Variants in IPO7 observed in about 807,000 individuals in gnomAD.
IPO7 encodes importin 7, also known as importin-7.
In IPO7, 13 loss-of-function variants were observed where a neutral mutation model predicts 136.4. The observed-to-expected ratio is 0.10, with a 90% CI of 0.06 to 0.15. IPO7 has a LOEUF of 0.15. Among genes scored for constraint, IPO7 ranks in the 10% least tolerant of loss-of-function variants. The probability of loss-of-function intolerance (pLI) is 1.00; values close to 1 mark genes in which losing one functional copy is unlikely to be tolerated. For synonymous variants in IPO7, 403 were observed against 404.4 expected, an observed-to-expected ratio of 1.00 and a Z score of 0.04; for missense variants, 857 against 1,240.6, an observed-to-expected ratio of 0.69 and a Z score of 4.65.
At chr11:9,388,284 TCTC>T (rs1854580602) in intron 1 of IPO7, among the ~76,000 whole-genome samples, 2 of 144,838 alleles carry the variant, frequency 1.4e-5, no homozygotes, top group African/African-American at 5.1e-5. Context: ...TTCAAGCAAT[TCTC>T]CTGCCTCAGC....
In IPO7 at chr11:9,438,045, GTT is replaced by G. The variant is rs202038310; in HGVS notation, c.2490-4_2490-3del. On this transcript the variant is annotated intron_variant, in intron 21 of 24. Coordinates refer to ENST00000379719, the MANE Select transcript of IPO7 (RefSeq NM_006391.3). Reference sequence around the variant, plus strand: ...TCTGCTTATTTAAGAAAAGAAAACAGTTTTTTTTTTTTTTTTTTTTTTTTTTT... The same window carrying G: ...TCTGCTTATTTAAGAAAAGAAAACAGTTTTTTTTTTTTTTTTTTTTTTTTT... 7,351 of 1,084,470 alleles carry G rather than the reference GTT, an allele frequency of 6.8e-3. 1 individual carries two copies. Among genetic ancestry groups the G allele is most frequent in the East Asian group, 0.019 (506 of 27,042 alleles). 67.2% of individuals were successfully genotyped at this position (1,084,470 alleles called of 1,614,324 possible). A position where few individuals can be genotyped will look rare whatever the true frequency, so the allele number is the denominator to read the frequency against.
intron 6 of IPO7, among the ~76,000 whole-genome samples, chr11:9,419,156 C>T (rs967669470): frequency 6.6e-6 from 1 of 152,128 alleles, no homozygotes; most frequent in Non-Finnish European, 1.5e-5. Flanking sequence ...TTTTACTTTA[C>T]AAGTAACTTC....
chr11:9,422,332 A>C (rs1394432240), intron 8 of IPO7, among the ~76,000 whole-genome samples: 1 of 152,212 alleles, frequency 6.6e-6, no homozygotes, highest in East Asian at 1.9e-4. Context: ...TCTTGATTCA[A>C]ATAAGGCATC....
At chr11:9,391,545 A>C (rs2133718242) in intron 1 of IPO7, among the ~76,000 whole-genome samples, 1 of 152,068 alleles carries the variant, frequency 6.6e-6, no homozygotes, top group Admixed American at 6.6e-5. Flanking sequence ...ATTTCTACTA[A>C]AAATACAGAA....
chr11:9,401,219 A>G (rs1854790981), intron 1 of IPO7, among the ~76,000 whole-genome samples: 1 of 152,144 alleles, frequency 6.6e-6, no homozygotes, highest in African/African-American at 2.4e-5. Flanking sequence ...AAAAATCAAA[A>G]TATTGTTCAT....
intron 23 of IPO7, among the ~76,000 whole-genome samples, chr11:9,440,961 A>G (rs1855452980): frequency 6.6e-6 from 1 of 152,204 alleles, no homozygotes; most frequent in Non-Finnish European, 1.5e-5. Flanking sequence ...CTTTCCTCAG[A>G]AGTAACCACT....
intron 3 of IPO7, 57 bp downstream of exon 3, chr11:9,408,696 GT>G: frequency 5.5e-6 from 1 of 181,234 alleles, no homozygotes; most frequent in East Asian, 1.3e-4. Context: ...AGGGTTTTTT[GT>G]TTTTTGGTTT....
At chr11:9,437,320 C>G (rs570648670) in intron 20 of IPO7, among the ~76,000 whole-genome samples, 13 of 127,570 alleles carry the variant, frequency 1.0e-4, no homozygotes, top group African/African-American at 3.3e-4. Flanking sequence ...TGCAGTGGCG[C>G]GATCTCAGCT....
Position 9,445,404 on chromosome 11 carries a change from G to T in IPO7, c.*210G>T. On this transcript the variant is annotated 3_prime_UTR_variant, in exon 25 of 25. Transcript: ENST00000379719. ...TTTTGGGGGTGGGGGGGGATGGGAGGTACCTTAGAGGGAGTATTTTCTTTA... is the reference window on the plus strand; with the variant it reads ...TTTTGGGGGTGGGGGGGGATGGGAGTTACCTTAGAGGGAGTATTTTCTTTA... The T allele has an allele frequency of 2.6e-6, 1 of 389,142 alleles. No individual in the cohort carries two copies. The highest frequency in any genetic ancestry group is 4.7e-6 in the Non-Finnish European group (1 of 215,048). 24.1% of individuals were successfully genotyped at this position (389,142 alleles called of 1,614,324 possible).
intron 24 of IPO7, among the ~76,000 whole-genome samples, chr11:9,444,552 G>A (rs893535692): frequency 1.3e-5 from 2 of 151,338 alleles, no homozygotes; most frequent in African/African-American, 4.8e-5. Context: ...TAGTAGAGAC[G>A]AGGTTTCACT....
chr11:9,410,031 A>C lies in IPO7; in HGVS notation c.424A>C (p.Ser142Arg). The change falls in exon 4 of 25, where the codon AGT (serine) becomes CGT (arginine). Residue 142 changes from serine (S) to arginine (R), a missense_variant. Ser to Arg is a moderately radical substitution (Grantham distance 110). Transcript: ENST00000379719. ...TGGCTTTTATCTTCAGTCCGATAAC[A>C]GTGCTTGTTGGCTAGGAATTCTTCT... The part of the protein sequence containing the change: ...KIGFYLQSDN[S>R]ACWLGILLCL... The C allele has an allele frequency of 6.2e-7, 1 of 1,604,360 alleles. No homozygotes were observed. Among genetic ancestry groups the C allele is most frequent in the Middle Eastern group, 1.7e-4 (1 of 6,040 alleles).
In IPO7 at chr11:9,445,122, A is replaced by G; in HGVS notation, c.3045A>G (p.Gly1015=). Residue 1015 remains glycine, a synonymous_variant, in exon 25 of 25, where the codon GGA becomes GGG. Transcript: ENST00000379719. ...AATCCAAAATGATTGAGAAGCATGGAGGATACAAATTCAGTGCTCCAGTTG... is the reference window on the plus strand; with the variant it reads ...AATCCAAAATGATTGAGAAGCATGGGGGATACAAATTCAGTGCTCCAGTTG... The part of the protein sequence containing the change: ...AHESKMIEKH[G]GYKFSAPVVP... The G allele has an allele frequency of 1.9e-6, 3 of 1,611,584 alleles. No homozygotes were observed. Among genetic ancestry groups the G allele is most frequent in the Non-Finnish European group, 2.5e-6 (3 of 1,177,704 alleles).
intron 1 of IPO7, among the ~76,000 whole-genome samples, chr11:9,385,314 TG>T (rs1456660722): frequency 6.6e-6 from 1 of 152,192 alleles, no homozygotes; most frequent in African/African-American, 2.4e-5. Flanking sequence ...CTGTCATCCT[TG>T]TCACTTTGCT....
At position 9,422,988 on chromosome 11, in the gene IPO7, C is replaced by T. The variant is rs745559785; in HGVS notation, c.907-18C>T. The T allele has an allele frequency of 8.6e-5, 128 of 1,487,738 alleles. No individual in the cohort carries two copies. The South Asian group carries it at 1.6e-3, about 19-fold the overall frequency. The allele number at this position is 1,487,738 out of a possible 1,614,324, so 92.2% of individuals were successfully genotyped here. A position where few individuals can be genotyped will look rare whatever the true frequency, so the allele number is the denominator to read the frequency against. On this transcript the variant is annotated intron_variant, in intron 8 of 24. Coordinates refer to ENST00000379719, the MANE Select transcript of IPO7 (RefSeq NM_006391.3). Reference sequence around the variant, plus strand: ...TTCTATTTGAACATTGATTTGTGATCGAAAATTTTTTTCCAAGGTTTTATT... The same window carrying T: ...TTCTATTTGAACATTGATTTGTGATTGAAAATTTTTTTCCAAGGTTTTATT...
intron 1 of IPO7, among the ~76,000 whole-genome samples, chr11:9,402,228 C>T (rs534749680): frequency 1.1e-3 from 172 of 150,952 alleles, no homozygotes; most frequent in African/African-American, 3.8e-3. Flanking sequence ...AGTGAAACCC[C>T]GTCTCTATTA....
intron 12 of IPO7, among the ~76,000 whole-genome samples, chr11:9,428,066 G>C (rs1018047367): frequency 6.6e-6 from 1 of 151,912 alleles, no homozygotes; most frequent in South Asian, 2.1e-4. Flanking sequence ...ATTGCAGTGA[G>C]CCGAAATTGT....
intron 6 of IPO7, among the ~76,000 whole-genome samples, chr11:9,418,029 A>G (rs1163183291): frequency 6.7e-6 from 1 of 148,928 alleles, no homozygotes. Context: ...CTAGTTTTCT[A>G]GAGATATAGG....
intron 12 of IPO7, among the ~76,000 whole-genome samples, chr11:9,425,811 G>T (rs1241823777): frequency 2.6e-5 from 4 of 151,664 alleles, no homozygotes; most frequent in African/African-American, 9.7e-5. Context: ...CCCGGGACGT[G>T]GAGTTTGCAG....
intron 22 of IPO7, among the ~76,000 whole-genome samples, chr11:9,439,230 C>T (rs1855426859): frequency 6.6e-6 from 1 of 152,180 alleles, no homozygotes; most frequent in African/African-American, 2.4e-5. Context: ...ATTCTCCTGC[C>T]TCAGCCCCCC....
Sources: allele counts gnomAD v4.1 joint callset (sites outside exome capture counted in the v4.1 genomes callset), GRCh38; gene constraint gnomAD v4.1.1; transcripts MANE v1.5; gene names NCBI Gene and HGNC (gene_info 2026-07-23, HGNC 2026-07-21).